The following ZNF8 variants were observed in gnomAD, a reference collection of about 807,000 sequenced individuals.
ZNF8 encodes zinc finger protein 8.
ZNF8 carries 9 observed loss-of-function variants against 12.2 expected under a neutral mutation model. That is an observed-to-expected ratio of 0.73 (90% confidence interval 0.44 to 1.28). The LOEUF (loss-of-function observed/expected upper bound fraction) is 1.28, where lower values mean the gene tolerates loss of function less well. ZNF8 is among the 50% of genes most tolerant of loss of function. The pLI is 0.00. For synonymous variants in ZNF8, 274 were observed against 282.3 expected, an observed-to-expected ratio of 0.97 and a Z score of 0.30; for missense variants, 664 against 729.1, an observed-to-expected ratio of 0.91 and a Z score of 1.03.
At chr19:58,289,354 G>A (rs2051403168) in intron 3 of ZNF8, among the ~76,000 whole-genome samples, 1 of 152,020 alleles carries the variant, frequency 6.6e-6, no homozygotes, top group Non-Finnish European at 1.5e-5. Context: ...AAATTATCCA[G>A]GTGTGGTGGT....
chr19:58,279,202 C>G (rs1190036920), intron 1 of ZNF8, 55 bp downstream of exon 1: 1 of 1,540,476 alleles, frequency 6.5e-7, no homozygotes, highest in Admixed American at 2.0e-5. Flanking sequence ...GTCTCCCGCG[C>G]AGACTGACCC....
At position 58,294,664 on chromosome 19, in the gene ZNF8, A is replaced by G; in HGVS notation, c.856A>G (p.Met286Val). 6.2e-7 allele frequency: 1 copy of G among 1,614,202 alleles called. No homozygotes were observed. Among genetic ancestry groups the G allele is most frequent in the Non-Finnish European group, 8.5e-7 (1 of 1,180,036 alleles). ...GATTCATACGGGAGAAAGACCTTAT[A>G]TGTGCAAGGAGTGTGGGAAAGCCTT... ...KRIHTGERPY[M>V]CKECGKAFSQ... Residue 286 changes from methionine to valine, a missense_variant, in exon 4 of 4, where the codon ATG becomes GTG. By Grantham distance (21) the Met-to-Val change is conservative (BLOSUM62 1). Around this residue, in one of 3 missense-constraint regions of ZNF8, gnomAD observed 133 missense variants for 198.4 expected, o/e 0.67. Coordinates refer to ENST00000621650, the MANE Select transcript of ZNF8 (RefSeq NM_021089.3). This position sits in a 1 kb window ranked among gnomAD's most constrained non-coding sequence, Gnocchi z 5.5.
intron 1 of ZNF8, chr19:58,279,650 G>A (rs539192991): frequency 6.5e-7 from 1 of 1,534,046 alleles, no homozygotes; most frequent in Non-Finnish European, 8.7e-7. Flanking sequence ...TGGGGGCAAT[G>A]ATGGGTCACC....
At position 58,302,465 on chromosome 19, in the gene ZNF8, G is replaced by A. The variant is rs552013425; in HGVS notation, c.*6929G>A. On this transcript the variant is annotated 3_prime_UTR_variant, in exon 4 of 4. Transcript: ENST00000621650. ...CATACACACAGAGGAATATATATGTGTATAGTTATCTTGTGTTTAGAAATT... is the reference window on the plus strand; with the variant it reads ...CATACACACAGAGGAATATATATGTATATAGTTATCTTGTGTTTAGAAATT... 88 of 152,272 alleles carry A rather than the reference G, an allele frequency of 5.8e-4. No homozygotes were observed. The highest frequency in any genetic ancestry group is 1.2e-3 in the Admixed American group (19 of 15,302). The allele number at this position is 152,272 out of a possible 1,614,324, so 9.4% of individuals were successfully genotyped here. A position where few individuals can be genotyped will look rare whatever the true frequency, so the allele number is the denominator to read the frequency against.
At chr19:58,280,681 G>A (rs1314289514) in intron 1 of ZNF8, 1 of 152,258 alleles carries the variant, frequency 6.6e-6, no homozygotes. Flanking sequence ...TAAAACATTT[G>A]TTCTTAGGTT....
intron 1 of ZNF8, among the ~76,000 whole-genome samples, chr19:58,282,304 T>C (rs554260721): frequency 6.6e-6 from 1 of 152,334 alleles, no homozygotes; most frequent in East Asian, 1.9e-4. Flanking sequence ...GAAATAACTA[T>C]ACAGATTCTT....
In ZNF8 at chr19:58,283,851, G is replaced by A. The variant is rs1337541270; in HGVS notation, c.67-1866G>A. Among the ~76,000 whole-genome samples, 10 of 151,242 alleles carry A rather than the reference G, an allele frequency of 6.6e-5. No individual in the cohort carries two copies. In the East Asian group the frequency reaches 1.8e-3, roughly 27 times the overall value. ...CCTGACCTCGTGATCTGCCCGCCTC[G>A]GCCTCCCAAAGTGCTGGGATTACAG... On this transcript the variant is annotated intron_variant, in intron 1 of 3. Coordinates refer to ENST00000621650, the MANE Select transcript of ZNF8 (RefSeq NM_021089.3).
intron 1 of ZNF8, 116 bp from the exon 2 acceptor site, chr19:58,285,601 T>C (rs998980321): frequency 1.4e-6 from 2 of 1,448,458 alleles, no homozygotes; most frequent in African/African-American, 2.8e-5. Context: ...CCATCATTCA[T>C]AACGTGCAGT....
Position 58,278,980 on chromosome 19 carries a change from C to T in ZNF8, c.-102C>T, listed in dbSNP as rs1299508775. The T allele has an allele frequency of 8.4e-6, 11 of 1,310,766 alleles. No individual in the cohort carries two copies. The highest frequency in any genetic ancestry group is 1.1e-5 in the Non-Finnish European group (11 of 1,011,992). 81.2% of individuals were successfully genotyped at this position (1,310,766 alleles called of 1,614,324 possible). A position where few individuals can be genotyped will look rare whatever the true frequency, so the allele number is the denominator to read the frequency against. On this transcript the variant is annotated 5_prime_UTR_variant, in exon 1 of 4. Coordinates refer to ENST00000621650, the MANE Select transcript of ZNF8 (RefSeq NM_021089.3). ...GTAGTCGCCGCGTCGCCGGTGCGGC[C>T]GCCATTGTCCGGCGTTCGGCGAGTC...
rs935419578 is a variant in ZNF8 at position 58,293,957 on chromosome 19, T to G, written c.290-141T>G. ...GAGCCGTGTCTGAGGGCACTTGATG[T>G]TAAAATAAGAGGAGAATCAGGGGAC... On this transcript the variant is annotated intron_variant, in intron 3 of 3. Transcript: ENST00000621650. 32 of 735,330 alleles carry G rather than the reference T, an allele frequency of 4.4e-5. No individual in the cohort carries two copies. The African/African-American group carries it at 5.3e-4, about 12-fold the overall frequency. The allele number at this position is 735,330 out of a possible 1,614,324, so 45.6% of individuals were successfully genotyped here. A position where few individuals can be genotyped will look rare whatever the true frequency, so the allele number is the denominator to read the frequency against.
rs987104974 is a variant in ZNF8, at chr19:58,300,573, C to T, written c.*5037C>T. The stretch of plus-strand genomic sequence containing the variant: ...ACCTTTCTAACCTCTGTGGTGGAGA[C>T]AGGTGGGAGAGAAAAGTCCTGGGAA... On this transcript the variant is annotated 3_prime_UTR_variant, in exon 4 of 4. Coordinates refer to ENST00000621650, the MANE Select transcript of ZNF8 (RefSeq NM_021089.3). The T allele has an allele frequency of 6.6e-6, 1 of 152,368 alleles. No homozygotes were observed. Among genetic ancestry groups the T allele is most frequent in the East Asian group, 1.9e-4 (1 of 5,188 alleles). The allele number at this position is 152,368 out of a possible 1,614,324, so 9.4% of individuals were successfully genotyped here.
intron 1 of ZNF8, among the ~76,000 whole-genome samples, chr19:58,282,496 A>T (rs1282934593): frequency 6.6e-6 from 1 of 152,204 alleles, no homozygotes; most frequent in Non-Finnish European, 1.5e-5. Flanking sequence ...ATGAAGTCCA[A>T]TTGATTACAT....
chr19:58,294,450 C>T lies in ZNF8; in HGVS notation c.642C>T (p.Ser214=). Residue 214 remains serine, a synonymous_variant, in exon 4 of 4, where the codon TCC becomes TCT. Coordinates refer to ENST00000621650, the MANE Select transcript of ZNF8 (RefSeq NM_021089.3). This position sits in a 1 kb window ranked among gnomAD's most constrained non-coding sequence, Gnocchi z 5.5. ...AGATTACAGACTCAGAACATAACTC[C>T]AGCTTAGTCAGTCAGCAGACAGGCT... ...DSQITDSEHN[S]SLVSQQTGSP... is the part of the protein sequence containing the mutation. 3.1e-6 allele frequency: 5 copies of T among 1,614,112 alleles called. No individual in the cohort carries two copies. Among genetic ancestry groups the T allele is most frequent in the Non-Finnish European group, 4.2e-6 (5 of 1,180,028 alleles).
At chr19:58,279,311 G>C (rs2051326750) in intron 1 of ZNF8, 164 bp downstream of exon 1, 2 of 1,494,462 alleles carry the variant, frequency 1.3e-6, no homozygotes, top group African/African-American at 2.8e-5. Context: ...GTCCTGGCTG[G>C]TCAGAGAGGG....
Position 58,295,587 on chromosome 19 carries a change from T to C in ZNF8, c.*51T>C. 1 of 1,418,442 alleles carries C rather than the reference T, an allele frequency of 7.0e-7. No individual in the cohort carries two copies. The highest frequency in any genetic ancestry group is 9.7e-7 in the Non-Finnish European group (1 of 1,034,892). 87.9% of individuals were successfully genotyped at this position (1,418,442 alleles called of 1,614,324 possible). On this transcript the variant is annotated 3_prime_UTR_variant, in exon 4 of 4. Coordinates refer to ENST00000621650, the MANE Select transcript of ZNF8 (RefSeq NM_021089.3). ...AACCACAAGTAAAAAATGTGGTAAG[T>C]CCACATAGTGTACTCATGGAAGGAG...
In ZNF8 at chr19:58,279,002, A is replaced by T. The variant is rs2147951418; in HGVS notation, c.-80A>T. ...GGCCGCCATTGTCCGGCGTTCGGCG[A>T]GTCGGGTGGTCCCTTTGGCTGGAGT... On this transcript the variant is annotated 5_prime_UTR_variant, in exon 1 of 4. Transcript: ENST00000621650. 3 of 1,343,152 alleles carry T rather than the reference A, an allele frequency of 2.2e-6. No individual in the cohort carries two copies. Among genetic ancestry groups the T allele is most frequent in the Admixed American group, 3.5e-5 (1 of 28,448 alleles). 83.2% of individuals were successfully genotyped at this position (1,343,152 alleles called of 1,614,324 possible). A position where few individuals can be genotyped will look rare whatever the true frequency, so the allele number is the denominator to read the frequency against.
At chr19:58,281,980 G>A (rs1161278852) in intron 1 of ZNF8, among the ~76,000 whole-genome samples, 2 of 152,142 alleles carry the variant, frequency 1.3e-5, no homozygotes, top group Non-Finnish European at 2.9e-5. Flanking sequence ...GGGTTTGGTG[G>A]CACATGCCTG....
intron 1 of ZNF8, among the ~76,000 whole-genome samples, chr19:58,285,090 C>T (rs1364962049): frequency 2.0e-5 from 3 of 152,010 alleles, no homozygotes; most frequent in Non-Finnish European, 4.4e-5. Flanking sequence ...GCCCTGAAAG[C>T]AGGCGAATTT....
At position 58,290,336 on chromosome 19, in the gene ZNF8, T is replaced by A. The variant is rs550504; in HGVS notation, c.290-3762T>A. ...TCACCGTGTTGGCCAGGATGGTCTCTATCTCCTGACCTCGTGATCCGCCCG... is the reference window on the plus strand; with the variant it reads ...TCACCGTGTTGGCCAGGATGGTCTCAATCTCCTGACCTCGTGATCCGCCCG... On this transcript the variant is annotated intron_variant, in intron 3 of 3. Coordinates refer to ENST00000621650, the MANE Select transcript of ZNF8 (RefSeq NM_021089.3). 4.8e-4 allele frequency among the ~76,000 whole-genome samples: 68 copies of A among 141,582 alleles called. No homozygotes were observed. In the East Asian group the frequency reaches 5.8e-3, roughly 12 times the overall value. The allele number at this position is 141,582 out of a possible 152,430, so 92.9% of individuals were successfully genotyped here.
Sources: gnomAD v4.1 joint callset for allele counts (sites outside exome capture counted in the v4.1 genomes callset) on GRCh38, gnomAD v4.1.1 for gene constraint, gnomAD v4.1.1 regional missense constraint, Gnocchi (gnomAD v3.1) non-coding constraint, MANE v1.5 for transcripts, NCBI Gene and HGNC (gene_info 2026-07-23, HGNC 2026-07-21) for gene names.